EFCAB6: variants seen among roughly 807,000 people sequenced by gnomAD.
The protein encoded by EFCAB6 is EF-hand calcium binding domain 6, also known as EF-hand calcium-binding domain-containing protein 6.
EFCAB6 carries 156 observed loss-of-function variants against 169.8 expected under a neutral mutation model. That is an observed-to-expected ratio of 0.92 (90% CI 0.81 to 1.05). EFCAB6 has a LOEUF of 1.05. EFCAB6 is among the 50% of genes least tolerant of loss of function. EFCAB6 has a pLI of 0.00. For missense variants in EFCAB6, 1,800 were observed against 1,829.1 expected (o/e 0.98, Z 0.29); for synonymous variants, 698 against 676.4 (o/e 1.03, Z -0.50).
At chr22:43,802,268 G>A (rs563652458) in intron 2 of EFCAB6, among the ~76,000 whole-genome samples, 10 of 152,234 alleles carry the variant, frequency 6.6e-5, no homozygotes, top group Admixed American at 3.3e-4. Flanking sequence ...GGTGGCTCAC[G>A]CCTGTAATCC....
At chr22:43,712,153 T>C (rs1429948430) in intron 9 of EFCAB6, among the ~76,000 whole-genome samples, 1 of 152,154 alleles carries the variant, frequency 6.6e-6, no homozygotes, top group Admixed American at 6.6e-5. Flanking sequence ...ATAAAGAACC[T>C]GGGTGAACGA....
chr22:43,682,758 G>A (rs575169112), intron 12 of EFCAB6, among the ~76,000 whole-genome samples: 4 of 152,300 alleles, frequency 2.6e-5, no homozygotes, highest in South Asian at 2.1e-4. Context: ...ATATATCGCC[G>A]AATCATTTAA....
intron 13 of EFCAB6, among the ~76,000 whole-genome samples, chr22:43,675,763 TATGTA>T (rs1556032787): frequency 6.7e-6 from 1 of 148,322 alleles, no homozygotes; most frequent in Non-Finnish European, 1.5e-5. Context: ...AATATAATAA[TATGTA>T]ATGTATGATG....
chr22:43,669,860 T>C (rs1179294994), intron 15 of EFCAB6, among the ~76,000 whole-genome samples: 1 of 152,212 alleles, frequency 6.6e-6, no homozygotes, highest in African/African-American at 2.4e-5. Context: ...ACTAGTTTTC[T>C]GTTAACACTG....
At chr22:43,773,241 C>T (rs772344210) in intron 3 of EFCAB6, 138 bp from the exon 4 acceptor site, 13 of 796,666 alleles carry the variant, frequency 1.6e-5, no homozygotes, top group Non-Finnish European at 2.3e-5. Flanking sequence ...CGTGTATCAC[C>T]GTTAGATGAC....
rs115309983 is a variant in EFCAB6, at chr22:43,615,329, T to C, written c.2562+497A>G. On this transcript the variant is annotated intron_variant, in intron 21 of 31. Transcript: ENST00000262726. ...ATTAGACAGCCCCATCTCAATACCA[T>C]AATCACAGTTCACAGGATTGCACGT... Among the ~76,000 whole-genome samples, 415 of 152,300 alleles carry C rather than the reference T, an allele frequency of 2.7e-3. 2 individuals carry two copies. The highest frequency in any genetic ancestry group is 9.0e-3 in the African/African-American group (376 of 41,580).
intron 7 of EFCAB6, 106 bp from the exon 8 acceptor site, chr22:43,731,917 T>A: frequency 1.8e-6 from 1 of 570,788 alleles, no homozygotes; most frequent in Non-Finnish European, 2.8e-6. Flanking sequence ...TTTTAATGTC[T>A]GTTTCTAGCT....
chr22:43,675,606 TATATA>T (rs201391036), intron 13 of EFCAB6, among the ~76,000 whole-genome samples: 5,562 of 145,732 alleles, frequency 0.038, 393 homozygotes, highest in African/African-American at 0.13. Context: ...ATATATCTGA[TATATA>T]ATATATTATA....
At chr22:43,704,055 C>T (rs533307203) in intron 10 of EFCAB6, among the ~76,000 whole-genome samples, 12 of 151,868 alleles carry the variant, frequency 7.9e-5, no homozygotes, top group South Asian at 2.1e-4. Context: ...AAGAGGAGGT[C>T]GCCAAGACAA....
At chr22:43,677,551 CAGG>C (rs1222993727) in intron 13 of EFCAB6, among the ~76,000 whole-genome samples, 1 of 152,048 alleles carries the variant, frequency 6.6e-6, no homozygotes. Flanking sequence ...GAGGCTGAGG[CAGG>C]AGAATTGCTT....
Position 43,677,940 on chromosome 22 carries a change from A to G in EFCAB6, c.1419+56T>C, listed in dbSNP as rs896086198. 28 of 1,542,936 alleles carry G rather than the reference A, an allele frequency of 1.8e-5. No homozygotes were observed. The South Asian group carries it at 2.7e-4, about 15-fold the overall frequency. On this transcript the variant is annotated intron_variant, in intron 13 of 31. Transcript: ENST00000262726. ...TTCACTTGCATCTCTTATTAGGAAT[A>G]CTGAAATTTCCCAACATAAAGAGAA... is the stretch of plus-strand genomic sequence containing the variant.
In EFCAB6 at chr22:43,655,032, C is replaced by T. The variant is rs747783542; in HGVS notation, c.1983+12072G>A. On this transcript the variant is annotated intron_variant, in intron 17 of 31. Coordinates refer to ENST00000262726, the MANE Select transcript of EFCAB6 (RefSeq NM_022785.4). The stretch of plus-strand genomic sequence containing the variant: ...TAGCACTTTGGGAGGCTGAGCCGAG[C>T]GGATCACCTGAGGTCAGGAGTTCGA... 4.6e-5 allele frequency among the ~76,000 whole-genome samples: 7 copies of T among 152,202 alleles called. No homozygotes were observed. In the South Asian group the frequency reaches 8.3e-4, roughly 18 times the overall value.
At chr22:43,785,149 GA>G (rs760494421) in intron 2 of EFCAB6, among the ~76,000 whole-genome samples, 48 of 152,162 alleles carry the variant, frequency 3.2e-4, no homozygotes, top group South Asian at 2.3e-3. Context: ...CAGAGACATA[GA>G]AGATCTGAAC....
At chr22:43,707,393 G>A (rs528233311) in intron 10 of EFCAB6, among the ~76,000 whole-genome samples, 5 of 152,206 alleles carry the variant, frequency 3.3e-5, no homozygotes, top group Admixed American at 2.6e-4. Flanking sequence ...AGCTGGGAAC[G>A]TTCAAAAACT....
intron 21 of EFCAB6, among the ~76,000 whole-genome samples, chr22:43,614,215 A>ACTAC (rs1479542062): frequency 1.5e-5 from 2 of 136,776 alleles, no homozygotes; most frequent in Non-Finnish European, 3.1e-5. Context: ...GAGAACTGAC[A>ACTAC]CTACCTGATG....
chr22:43,763,090 G>A (rs1038436577), intron 5 of EFCAB6, among the ~76,000 whole-genome samples: 2 of 152,110 alleles, frequency 1.3e-5, no homozygotes, highest in Admixed American at 6.5e-5. Context: ...CCAGGCTGGA[G>A]TGCAGTGGTG....
At chr22:43,689,120 G>A (rs2058307696) in intron 10 of EFCAB6, among the ~76,000 whole-genome samples, 1 of 152,038 alleles carries the variant, frequency 6.6e-6, no homozygotes, top group African/African-American at 2.4e-5. Context: ...CTGCAATTGG[G>A]GGTGGGATGT....
Position 43,635,236 on chromosome 22 carries a change from AG to A in EFCAB6, c.1984-21del. ...CAGTACCTGACGAGGGAGACAGGGG[AG>A]GGTGGAGAGGCGTTAGGTGGTCCGC... On this transcript the variant is annotated intron_variant, in intron 17 of 31. Coordinates refer to ENST00000262726, the MANE Select transcript of EFCAB6 (RefSeq NM_022785.4). 6.3e-7 allele frequency: 1 copy of A among 1,586,014 alleles called. No homozygotes were observed. The highest frequency in any genetic ancestry group is 1.1e-5 in the South Asian group (1 of 90,516).
intron 27 of EFCAB6, among the ~76,000 whole-genome samples, chr22:43,546,818 A>C (rs2147119303): frequency 1.3e-5 from 2 of 151,918 alleles, no homozygotes; most frequent in East Asian, 3.9e-4. Context: ...GGTTGTGGTG[A>C]GACGAGATCA....
Sources: gnomAD v4.1 joint callset for allele counts (sites outside exome capture counted in the v4.1 genomes callset) on GRCh38, gnomAD v4.1.1 for gene constraint, MANE v1.5 for transcripts, NCBI Gene and HGNC (gene_info 2026-07-23, HGNC 2026-07-21) for gene names.